ZHX3: variants seen among roughly 807,000 people sequenced by gnomAD.
ZHX3 encodes zinc fingers and homeoboxes protein 3.
In ZHX3, 20 loss-of-function variants were observed where a neutral mutation model predicts 64.5. That is an observed-to-expected ratio of 0.31 (90% CI 0.22 to 0.45). The LOEUF (loss-of-function observed/expected upper bound fraction) is 0.45, where lower values mean the gene tolerates loss of function less well. Among genes scored for constraint, ZHX3 ranks in the 20% least tolerant of loss-of-function variants. ZHX3 has a pLI of 1.00. For synonymous variants in ZHX3, 423 were observed against 461.6 expected, an observed-to-expected ratio of 0.92 and a Z score of 1.07; for missense variants, 1,041 against 1,195.8, an observed-to-expected ratio of 0.87 and a Z score of 1.91.
At chr20:41,227,281 A>G (rs2040327379) in intron 2 of ZHX3, among the ~76,000 whole-genome samples, 1 of 152,240 alleles carries the variant, frequency 6.6e-6, no homozygotes, top group Non-Finnish European at 1.5e-5. Context: ...GAGAAACCTT[A>G]GAGCATCAAG....
chr20:41,293,023 G>A (rs922129904), intron 1 of ZHX3, among the ~76,000 whole-genome samples: 1 of 152,208 alleles, frequency 6.6e-6, no homozygotes, highest in African/African-American at 2.4e-5. Flanking sequence ...AGTGAGATGG[G>A]AGACGCACGT....
chr20:41,265,460 C>CCAAA, intron 2 of ZHX3, among the ~76,000 whole-genome samples: 1 of 152,152 alleles, frequency 6.6e-6, no homozygotes, highest in Non-Finnish European at 1.5e-5. Context: ...CCTCGGCCTC[C>CCAAA]CAAAGTGCTG....
At chr20:41,294,904 C>T (rs2044429023) in intron 1 of ZHX3, among the ~76,000 whole-genome samples, 1 of 152,062 alleles carries the variant, frequency 6.6e-6, no homozygotes, top group Admixed American at 6.6e-5. Flanking sequence ...AACATGTTGG[C>T]CAGACTGGTC....
rs565699716 is a variant in ZHX3 at position 41,222,566 on chromosome 20, A to G, written c.-150-17500T>C. Among the ~76,000 whole-genome samples the G allele has an allele frequency of 9.2e-5, 14 of 152,304 alleles. No homozygotes were observed. The South Asian group carries it at 2.9e-3, about 32-fold the overall frequency. On this transcript the variant is annotated intron_variant, in intron 2 of 3. Transcript: ENST00000683867. ...AGCTGCTCAAATCTACAGAGAAACT[A>G]CAGAAATGGGGGTTGGGGGGAGGCT...
At chr20:41,210,557 T>C (rs1338410168) in intron 2 of ZHX3, among the ~76,000 whole-genome samples, 2 of 152,144 alleles carry the variant, frequency 1.3e-5, no homozygotes, top group Non-Finnish European at 2.9e-5. Context: ...GGGACATGGA[T>C]GAAGCTAGAA....
rs1001745989 is a variant in ZHX3 at position 41,195,966 on chromosome 20, C to T, written c.2860+6091G>A. On this transcript the variant is annotated intron_variant, in intron 3 of 3. Transcript: ENST00000683867. The surrounding 1 kb of genome is among the most constrained non-coding windows in gnomAD (Gnocchi z 4.2). ...AACTGGAATGTACTCTGTATAATCT[C>T]AGTTTTTAAAAATGTATTAACACTT... 1.3e-5 allele frequency among the ~76,000 whole-genome samples: 2 copies of T among 151,944 alleles called. No homozygotes were observed. The highest frequency in any genetic ancestry group is 4.8e-5 in the African/African-American group (2 of 41,362).
chr20:41,294,670 T>C (rs2044417554), intron 1 of ZHX3, among the ~76,000 whole-genome samples: 1 of 148,832 alleles, frequency 6.7e-6, no homozygotes. Context: ...GCCTTAGCAA[T>C]AGTTTTTAAA....
intron 1 of ZHX3, among the ~76,000 whole-genome samples, chr20:41,279,776 C>T (rs771368072): frequency 2.0e-5 from 3 of 152,082 alleles, no homozygotes; most frequent in Non-Finnish European, 2.9e-5. Context: ...GACAGCAATA[C>T]TAAGACGTAA....
intron 1 of ZHX3, among the ~76,000 whole-genome samples, chr20:41,313,423 G>T (rs1048417817): frequency 6.6e-6 from 1 of 151,912 alleles, no homozygotes; most frequent in Non-Finnish European, 1.5e-5. Flanking sequence ...TATGATGAGA[G>T]AAGGGAGGTA....
rs187261985 is a variant in ZHX3 at position 41,240,753 on chromosome 20, G to A, written c.-151+28237C>T. On this transcript the variant is annotated intron_variant, in intron 2 of 3. Coordinates refer to ENST00000683867, the MANE Select transcript of ZHX3 (RefSeq NM_001384317.1). Reference sequence around the variant, plus strand: ...ATTTTTAGCTCCAACAAATAACTGAGAACATGCAAAGTTTGTCTTTCTGCT... The same window carrying A: ...ATTTTTAGCTCCAACAAATAACTGAAAACATGCAAAGTTTGTCTTTCTGCT... Among the ~76,000 whole-genome samples, 339 of 152,174 alleles carry A rather than the reference G, an allele frequency of 2.2e-3. 3 individuals are homozygous for A. The highest frequency in any genetic ancestry group is 3.1e-3 in the Admixed American group (48 of 15,280).
intron 2 of ZHX3, among the ~76,000 whole-genome samples, chr20:41,208,458 T>C (rs907300149): frequency 1.1e-4 from 16 of 152,086 alleles, no homozygotes; most frequent in South Asian, 2.1e-4. Flanking sequence ...TACTGGCAAA[T>C]CGAATCCAGC....
chr20:41,275,822 A>C (rs2043353285), intron 1 of ZHX3, among the ~76,000 whole-genome samples: 2 of 152,236 alleles, frequency 1.3e-5, no homozygotes, highest in African/African-American at 2.4e-5. Context: ...GAATGACTGT[A>C]CTTCTCCCTC....
At chr20:41,292,962 A>G (rs914841260) in intron 1 of ZHX3, among the ~76,000 whole-genome samples, 3 of 152,212 alleles carry the variant, frequency 2.0e-5, no homozygotes, top group Non-Finnish European at 2.9e-5. Flanking sequence ...GAGGTGTGCC[A>G]CCATTTGGAA....
At chr20:41,265,296 G>A (rs184320316) in intron 2 of ZHX3, among the ~76,000 whole-genome samples, 29 of 150,768 alleles carry the variant, frequency 1.9e-4, no homozygotes, top group African/African-American at 5.4e-4. Flanking sequence ...CCCGCCACCC[G>A]GGTTCAAGCA....
chr20:41,185,262 G>A lies in ZHX3; in HGVS notation c.2861-61C>T. On this transcript the variant is annotated intron_variant, in intron 3 of 3. Transcript: ENST00000683867. This position sits in a 1 kb window ranked among gnomAD's most constrained non-coding sequence, Gnocchi z 5.0. The stretch of plus-strand genomic sequence containing the variant: ...GCTGCCACCACCTGCCCCCCAGGCA[G>A]CCTGGTCCTTGCTATACCAGGGTGG... The A allele has an allele frequency of 6.5e-7, 1 of 1,547,080 alleles. No individual in the cohort carries two copies. Among genetic ancestry groups the A allele is most frequent in the South Asian group, 1.2e-5 (1 of 80,428 alleles).
intron 3 of ZHX3, among the ~76,000 whole-genome samples, chr20:41,198,303 T>C (rs1031370465): frequency 1.3e-5 from 2 of 152,094 alleles, no homozygotes; most frequent in African/African-American, 4.8e-5. Context: ...GCCTATTTTT[T>C]CTTATGGCTT....
chr20:41,234,129 C>A (rs2146402934), intron 2 of ZHX3, among the ~76,000 whole-genome samples: 1 of 152,322 alleles, frequency 6.6e-6, no homozygotes, highest in East Asian at 1.9e-4. Flanking sequence ...CCCTCCCCAG[C>A]AACATCTAAC....
In ZHX3 at chr20:41,232,715, G is replaced by A. The variant is rs374467901; in HGVS notation, c.-150-27649C>T. Among the ~76,000 whole-genome samples, 3 of 151,908 alleles carry A rather than the reference G, an allele frequency of 2.0e-5. No homozygotes were observed. The highest frequency in any genetic ancestry group is 1.9e-4 in the East Asian group (1 of 5,148). ...CGCCATTCTCCTGCCTCAGCCTCCC[G>A]CGGGGGACTACAGGCGCCCACCACC... On this transcript the variant is annotated intron_variant, in intron 2 of 3. Transcript: ENST00000683867. This position sits in a 1 kb window ranked among gnomAD's most constrained non-coding sequence, Gnocchi z 5.0.
rs139751230 is a variant in ZHX3 at position 41,235,945 on chromosome 20, G to A, written c.-150-30879C>T. Among the ~76,000 whole-genome samples the A allele has an allele frequency of 7.8e-3, 1,182 of 152,224 alleles. 10 individuals are homozygous for A. Among genetic ancestry groups the A allele is most frequent in the African/African-American group, 0.027 (1,118 of 41,534 alleles). On this transcript the variant is annotated intron_variant, in intron 2 of 3. Coordinates refer to ENST00000683867, the MANE Select transcript of ZHX3 (RefSeq NM_001384317.1). ...AAGTCTCAGCATACAAAATCAATGT[G>A]CAAAAATCACAAGCATTCCGATACA...
Sources: allele counts gnomAD v4.1 joint callset (sites outside exome capture counted in the v4.1 genomes callset), GRCh38; gene constraint gnomAD v4.1.1; non-coding constraint Gnocchi (gnomAD v3.1); transcripts MANE v1.5; gene names NCBI Gene and HGNC (gene_info 2026-07-23, HGNC 2026-07-21).